Variants in HECTD4 observed in about 807,000 individuals in gnomAD.
HECTD4 encodes the protein HECT domain E3 ubiquitin protein ligase 4, also known as probable E3 ubiquitin-protein ligase HECTD4.
A neutral mutation model predicts 471.5 loss-of-function variants in HECTD4; 114 were observed. The ratio of observed to expected loss-of-function variants is 0.24; its 90% CI spans 0.21 to 0.28. The LOEUF (loss-of-function observed/expected upper bound fraction) is 0.28, where lower values mean the gene tolerates loss of function less well. Ranked by LOEUF, HECTD4 falls within the 10% of genes least tolerant of loss-of-function variation. HECTD4 has a pLI of 1.00. For missense variants in HECTD4, 3,866 were observed against 5,651.5 expected, an observed-to-expected ratio of 0.68 and a Z score of 10.13; for synonymous variants, 2,012 against 2,256.0, an observed-to-expected ratio of 0.89 and a Z score of 3.07.
chr12:112,216,565 G>A (rs2032923668), intron 47 of HECTD4, among the ~76,000 whole-genome samples, 194 bp from the exon 48 acceptor site: 1 of 152,084 alleles, frequency 6.6e-6, no homozygotes, highest in African/African-American at 2.4e-5. Flanking sequence ...TATAGAATTT[G>A]CAAAATAAAC....
At chr12:112,266,018 T>TCA in intron 14 of HECTD4, 35 bp from the exon 15 acceptor site, 1 of 1,416,320 alleles carries the variant, frequency 7.1e-7, no homozygotes, top group Non-Finnish European at 1.0e-6. Flanking sequence ...ACTACCCTGG[T>TCA]AATGACTCCT....
At position 112,195,030 on chromosome 12, in the gene HECTD4, C is replaced by G. The variant is rs1394286819; in HGVS notation, c.8604G>C (p.Leu2868=). Reference sequence around the variant, plus strand: ...TATTGAGCAGGGCCATGCGGCAGTACAGCCTGGCCAGCGCAGCCTCGCAGC... The same window carrying G: ...TATTGAGCAGGGCCATGCGGCAGTAGAGCCTGGCCAGCGCAGCCTCGCAGC... The part of the protein sequence containing the change: ...LLRCEAALAR[L]YCRMALLNIF... The change falls in exon 56 of 76, where the codon CTG becomes CTC. Residue 2868 remains leucine, a synonymous_variant. Transcript: ENST00000682272. The G allele has an allele frequency of 6.8e-6, 11 of 1,608,102 alleles. No individual in the cohort carries two copies. The highest frequency in any genetic ancestry group is 8.5e-6 in the Non-Finnish European group (10 of 1,177,486).
chr12:112,245,473 T>A (rs1043155206), intron 29 of HECTD4, among the ~76,000 whole-genome samples: 1 of 152,218 alleles, frequency 6.6e-6, no homozygotes, highest in Non-Finnish European at 1.5e-5. Context: ...GGCTTATGTG[T>A]ATAGCAGACC....
chr12:112,238,246 C>T (rs1433559291), intron 34 of HECTD4, among the ~76,000 whole-genome samples: 4 of 151,952 alleles, frequency 2.6e-5, no homozygotes, highest in Admixed American at 6.6e-5. Context: ...AACAGGGTCT[C>T]GCTCTGTTGC....
At chr12:112,331,259 C>A (rs1566114511) in intron 1 of HECTD4, among the ~76,000 whole-genome samples, 1 of 152,104 alleles carries the variant, frequency 6.6e-6, no homozygotes, top group Non-Finnish European at 1.5e-5. Flanking sequence ...TTAGTAAAGA[C>A]AGGGTTTCAC....
rs1458624814 is a variant in HECTD4, at chr12:112,179,074, C to T, written c.11220G>A (p.Arg3740=). 6.2e-7 allele frequency: 1 copy of T among 1,613,986 alleles called. No individual in the cohort carries two copies. The change falls in exon 64 of 76, where the codon AGG becomes AGA. Residue 3740 remains arginine, a synonymous_variant. Coordinates refer to ENST00000682272, the MANE Select transcript of HECTD4 (RefSeq NM_001388303.1). This position sits in a 1 kb window ranked among gnomAD's most constrained non-coding sequence, Gnocchi z 4.3. The stretch of plus-strand genomic sequence containing the variant: ...ACTTGGGCTTTGGCACGCCATACTT[C>T]CTCAGGATCTGTGGAGCACAGAGGC... ...VLEDQLTQIL[R]KYGVPKPKFD...
At chr12:112,230,636 CT>C in intron 40 of HECTD4, 50 bp downstream of exon 40, 1 of 1,541,402 alleles carries the variant, frequency 6.5e-7, no homozygotes, top group Non-Finnish European at 8.8e-7. Flanking sequence ...GATTCTAATT[CT>C]AATTAGCTTA....
intron 4 of HECTD4, among the ~76,000 whole-genome samples, chr12:112,311,073 C>T (rs1224304386): frequency 1.3e-5 from 2 of 152,028 alleles, no homozygotes; most frequent in African/African-American, 2.4e-5. Flanking sequence ...ACCAGCCTGG[C>T]CAACATGGTG....
rs372417827 is a variant in HECTD4, at chr12:112,362,964, A to G, written c.177+18988T>C. Among the ~76,000 whole-genome samples the G allele has an allele frequency of 1.1e-4, 16 of 152,276 alleles. No individual in the cohort carries two copies. The East Asian group carries it at 2.1e-3, about 20-fold the overall frequency. ...TGGTCCAACTGTCTGGGCCTCCCCAAGTACTGGGATTACAGGCATGAGCCA... is the reference window on the plus strand; with the variant it reads ...TGGTCCAACTGTCTGGGCCTCCCCAGGTACTGGGATTACAGGCATGAGCCA... On this transcript the variant is annotated intron_variant, in intron 1 of 75. Transcript: ENST00000682272.
At chr12:112,248,683 G>A (rs1181382831) in intron 25 of HECTD4, among the ~76,000 whole-genome samples, 171 bp from the exon 26 acceptor site, 1 of 151,968 alleles carries the variant, frequency 6.6e-6, no homozygotes, top group African/African-American at 2.4e-5. Context: ...TGGGCTCAAG[G>A]GATCCTCCTG....
At chr12:112,349,438 C>T (rs1262100437) in intron 1 of HECTD4, among the ~76,000 whole-genome samples, 3 of 148,032 alleles carry the variant, frequency 2.0e-5, no homozygotes, top group Non-Finnish European at 4.5e-5. Flanking sequence ...AAACATTATG[C>T]ATAAAGAAAC....
chr12:112,237,721 T>C (rs763098691), intron 34 of HECTD4, among the ~76,000 whole-genome samples: 1 of 152,068 alleles, frequency 6.6e-6, no homozygotes, highest in Non-Finnish European at 1.5e-5. Context: ...GATTACACTA[T>C]AAGTATTTGC....
chr12:112,224,416 G>A (rs1184397449), intron 44 of HECTD4, among the ~76,000 whole-genome samples: 4 of 151,926 alleles, frequency 2.6e-5, no homozygotes, highest in South Asian at 2.1e-4. Context: ...ACAGGTGCCC[G>A]CCACCACGCC....
chr12:112,278,887 C>T (rs1273645077), intron 9 of HECTD4, among the ~76,000 whole-genome samples: 4 of 151,816 alleles, frequency 2.6e-5, no homozygotes, highest in Admixed American at 1.3e-4. Flanking sequence ...AGCAAGACTC[C>T]GTCTAAAAAA....
chr12:112,308,247 T>C (rs939987229), intron 6 of HECTD4, among the ~76,000 whole-genome samples: 3 of 152,178 alleles, frequency 2.0e-5, no homozygotes, highest in South Asian at 4.1e-4. Context: ...AGCAGGTAAC[T>C]GCAGTATAAT....
intron 7 of HECTD4, among the ~76,000 whole-genome samples, chr12:112,286,765 A>T (rs2034763537): frequency 6.6e-6 from 1 of 152,048 alleles, no homozygotes; most frequent in Admixed American, 6.6e-5. Flanking sequence ...TTTCCAACAC[A>T]CTTATGATAA....
intron 1 of HECTD4, among the ~76,000 whole-genome samples, chr12:112,374,712 G>C (rs1490612899): frequency 1.3e-5 from 2 of 152,142 alleles, no homozygotes; most frequent in African/African-American, 4.8e-5. Flanking sequence ...AGGATATATA[G>C]GCTAGCAGTG....
chr12:112,344,555 G>T (rs1022050004), intron 1 of HECTD4, among the ~76,000 whole-genome samples: 1 of 152,186 alleles, frequency 6.6e-6, no homozygotes, highest in South Asian at 2.1e-4. Flanking sequence ...GGATAGACTG[G>T]GGGGAAGATG....
At chr12:112,361,666 T>TGCCAAA (rs1458030602) in intron 1 of HECTD4, among the ~76,000 whole-genome samples, 2 of 152,158 alleles carry the variant, frequency 1.3e-5, no homozygotes, top group African/African-American at 4.8e-5. Flanking sequence ...GATGTGTCAA[T>TGCCAAA]GCCAAAGCCT....
Sources: allele counts gnomAD v4.1 joint callset (sites outside exome capture counted in the v4.1 genomes callset), GRCh38; gene constraint gnomAD v4.1.1; non-coding constraint Gnocchi (gnomAD v3.1); transcripts MANE v1.5; gene names NCBI Gene and HGNC (gene_info 2026-07-23, HGNC 2026-07-21).